The following SLC12A8 variants were observed in gnomAD, a reference collection of about 807,000 sequenced individuals.
The protein encoded by SLC12A8 is cation-chloride cotransporter 9.
A neutral mutation model predicts 75.6 loss-of-function variants in SLC12A8; 69 were observed. The observed-to-expected ratio is 0.91, with a 90% CI of 0.75 to 1.11. The LOEUF is 1.11. Ranked by LOEUF, SLC12A8 falls within the 50% of genes most tolerant of loss-of-function variation. The pLI is 0.00. For missense variants in SLC12A8, 877 were observed against 896.7 expected (o/e 0.98, Z 0.28); for synonymous variants, 365 against 372.8 (o/e 0.98, Z 0.24).
At chr3:125,092,974 A>T (rs553474884) in intron 10 of SLC12A8, among the ~76,000 whole-genome samples, 31 of 152,130 alleles carry the variant, frequency 2.0e-4, no homozygotes, top group Non-Finnish European at 4.4e-4. Flanking sequence ...GCAATTTCTC[A>T]TCTCTCAATC....
intron 9 of SLC12A8, among the ~76,000 whole-genome samples, chr3:125,108,570 T>C (rs1299039334): frequency 6.6e-6 from 1 of 152,182 alleles, no homozygotes; most frequent in Non-Finnish European, 1.5e-5. Context: ...GGTTTTGCTA[T>C]GTTGCCCAGG....
chr3:125,184,997 T>G (rs1934741525), intron 4 of SLC12A8, among the ~76,000 whole-genome samples: 2 of 152,132 alleles, frequency 1.3e-5, no homozygotes, highest in Admixed American at 1.3e-4. Flanking sequence ...ACAATTAATA[T>G]GCCGATGCAT....
At chr3:125,134,702 C>T (rs1232533029) in intron 6 of SLC12A8, among the ~76,000 whole-genome samples, 1 of 152,230 alleles carries the variant, frequency 6.6e-6, no homozygotes, top group Admixed American at 6.5e-5. Context: ...GTTCTGGTGT[C>T]TCCACATCCT....
intron 5 of SLC12A8, among the ~76,000 whole-genome samples, chr3:125,144,844 T>G (rs755578167): frequency 1.2e-4 from 18 of 152,024 alleles, no homozygotes; most frequent in Admixed American, 4.6e-4. Context: ...GGAGGTCAAG[T>G]GACCCCTGCA....
chr3:125,129,895 C>T (rs571168696), intron 6 of SLC12A8, among the ~76,000 whole-genome samples: 4 of 152,352 alleles, frequency 2.6e-5, no homozygotes, highest in African/African-American at 9.6e-5. Flanking sequence ...GAGGGCAGCT[C>T]TCCACAGCAG....
Position 125,107,825 on chromosome 3 carries a change from G to A in SLC12A8, c.1361C>T (p.Thr454Met), listed in dbSNP as rs372640323. Residue 454 changes from threonine to methionine, a missense_variant, in exon 10 of 14, where the codon ACG becomes ATG. Thr to Met is a moderately conservative substitution (Grantham distance 81). Transcript: ENST00000469902. ...EGPAQRVLEG[T>M]LLEFTKDMDQ... ...CATGTCCTTGGTGAATTCCAGTAGC[G>A]TGCCCTCCAAGACTCTTTGGGCAGG... 41 of 1,613,968 alleles carry A rather than the reference G, an allele frequency of 2.5e-5. No individual in the cohort carries two copies. The highest frequency in any genetic ancestry group is 4.5e-5 in the East Asian group (2 of 44,892).
intron 5 of SLC12A8, among the ~76,000 whole-genome samples, chr3:125,140,552 T>A (rs1579500320): frequency 6.6e-6 from 1 of 152,124 alleles, no homozygotes; most frequent in African/African-American, 2.4e-5. Context: ...TGGAACACCA[T>A]GTGCCTACCG....
intron 5 of SLC12A8, among the ~76,000 whole-genome samples, chr3:125,140,237 C>T (rs12629661): frequency 0.031 from 4,686 of 152,322 alleles, 203 homozygotes; most frequent in African/African-American, 0.095. Context: ...ACCCTTCCTA[C>T]GTGCCAGCCA....
At chr3:125,141,561 G>A (rs1052730603) in intron 5 of SLC12A8, among the ~76,000 whole-genome samples, 3 of 152,228 alleles carry the variant, frequency 2.0e-5, no homozygotes, top group Non-Finnish European at 2.9e-5. Flanking sequence ...GCCGCTGGGG[G>A]CTGCTGAAAT....
intron 9 of SLC12A8, among the ~76,000 whole-genome samples, chr3:125,109,122 T>C (rs62265707): frequency 0.17 from 26,253 of 152,164 alleles, 2,491 homozygotes; most frequent in Middle Eastern, 0.32. Context: ...CTTCTCCTGA[T>C]TGGCCTCCCT....
At chr3:125,161,225 C>G (rs908716943) in intron 5 of SLC12A8, among the ~76,000 whole-genome samples, 1 of 152,200 alleles carries the variant, frequency 6.6e-6, no homozygotes, top group African/African-American at 2.4e-5. Flanking sequence ...GATTATTCCA[C>G]CAGACAGTTG....
At chr3:125,084,993 G>A (rs1938423542) in intron 13 of SLC12A8, among the ~76,000 whole-genome samples, 1 of 152,214 alleles carries the variant, frequency 6.6e-6, no homozygotes, top group South Asian at 2.1e-4. Context: ...GAAATCTAAT[G>A]TTATTGATCT....
At chr3:125,125,364 C>T (rs1355776677) in intron 6 of SLC12A8, among the ~76,000 whole-genome samples, 1 of 152,056 alleles carries the variant, frequency 6.6e-6, no homozygotes, top group East Asian at 1.9e-4. Flanking sequence ...TGGAGACCAG[C>T]CTGACCAACA....
chr3:125,135,019 C>T (rs1933453332), intron 6 of SLC12A8, among the ~76,000 whole-genome samples: 1 of 152,214 alleles, frequency 6.6e-6, no homozygotes, highest in African/African-American at 2.4e-5. Context: ...TTATTGCCTT[C>T]CAGGCCAGGG....
At chr3:125,091,932 T>G (rs1041423295) in intron 11 of SLC12A8, among the ~76,000 whole-genome samples, 169 bp downstream of exon 11, 1 of 152,210 alleles carries the variant, frequency 6.6e-6, no homozygotes, top group East Asian at 1.9e-4. Flanking sequence ...TAAGCAGTCA[T>G]TAAATGTAAT....
intron 2 of SLC12A8, among the ~76,000 whole-genome samples, chr3:125,200,456 C>T (rs929180554): frequency 1.3e-5 from 2 of 152,006 alleles, no homozygotes; most frequent in African/African-American, 2.4e-5. Flanking sequence ...CAAAGAAAAA[C>T]AACAACAACA....
At chr3:125,176,709 A>C (rs895569384) in intron 5 of SLC12A8, among the ~76,000 whole-genome samples, 1 of 151,680 alleles carries the variant, frequency 6.6e-6, no homozygotes, top group African/African-American at 2.4e-5. Flanking sequence ...ATGCAGCCAA[A>C]AGACACATGA....
In SLC12A8 at chr3:125,178,300, C is replaced by T. The variant is rs148083766; in HGVS notation, c.391-326G>A. On this transcript the variant is annotated intron_variant, in intron 4 of 13. Coordinates refer to ENST00000469902, the MANE Select transcript of SLC12A8 (RefSeq NM_024628.6). ...AAAGAGGCCTCCGGATTTCTCAGTCCGAGTTATTCAAGAACTAAATATAGA... is the reference window on the plus strand; with the variant it reads ...AAAGAGGCCTCCGGATTTCTCAGTCTGAGTTATTCAAGAACTAAATATAGA... Among the ~76,000 whole-genome samples, 202 of 152,224 alleles carry T rather than the reference C, an allele frequency of 1.3e-3. 2 individuals are homozygous for T. The highest frequency in any genetic ancestry group is 4.6e-3 in the African/African-American group (191 of 41,544).
chr3:125,110,037 G>GA (rs969980395), intron 9 of SLC12A8, 152 bp downstream of exon 9: 20 of 861,260 alleles, frequency 2.3e-5, no homozygotes, highest in Non-Finnish European at 1.8e-5. Context: ...GGACAGGGCT[G>GA]AAAGAAATGA....
Sources: allele counts gnomAD v4.1 joint callset (sites outside exome capture counted in the v4.1 genomes callset), GRCh38; gene constraint gnomAD v4.1.1; transcripts MANE v1.5; gene names NCBI Gene and HGNC (gene_info 2026-07-23, HGNC 2026-07-21).